NSD1: variants seen among roughly 807,000 people sequenced by gnomAD.
NSD1 encodes nuclear receptor binding SET domain protein 1, also known as histone-lysine N-methyltransferase, H3 lysine-36 specific.
In NSD1, 26 loss-of-function variants were observed where a neutral mutation model predicts 242.7. The observed-to-expected ratio is 0.11, with a 90% CI of 0.08 to 0.15. The LOEUF (loss-of-function observed/expected upper bound fraction) is 0.15. Among genes scored for constraint, NSD1 ranks in the 10% least tolerant of loss-of-function variants. The probability of loss-of-function intolerance (pLI) is 1.00; values close to 1 mark genes in which losing one functional copy is unlikely to be tolerated. For missense variants in NSD1, 2,495 were observed against 3,272.8 expected, an observed-to-expected ratio of 0.76 and a Z score of 5.80; for synonymous variants, 1,106 against 1,178.1, an observed-to-expected ratio of 0.94 and a Z score of 1.25.
At position 177,133,966 on chromosome 5, in the gene NSD1, T is replaced by G. The variant is rs1446925533; in HGVS notation, c.-18+14T>G. On this transcript the variant is annotated intron_variant, in intron 1 of 22. Coordinates refer to ENST00000439151, the MANE Select transcript of NSD1 (RefSeq NM_022455.5). This position sits in a 1 kb window ranked among gnomAD's most constrained non-coding sequence, Gnocchi z 6.2. ...GCGCGGGGCACGGTAACTAGTGCGC[T>G]GGGGTGGGCGGCGGGCAGGCGCGAG... 8 of 102,026 alleles carry G rather than the reference T, an allele frequency of 7.8e-5. No homozygotes were observed. The highest frequency in any genetic ancestry group is 4.0e-4 in the Admixed American group (4 of 9,974). The allele number at this position is 102,026 out of a possible 1,614,324, so 6.3% of individuals were successfully genotyped here.
At position 177,297,396 on chromosome 5, in the gene NSD1, C is replaced by T. The variant is rs200020698; in HGVS notation, c.*1937C>T. ...AAAAGATATTTTTAAAGAAATTCAC[C>T]GAGAACATTAAAGTTCATTATATTA... On this transcript the variant is annotated 3_prime_UTR_variant, in exon 23 of 23. Transcript: ENST00000439151. 7.5e-5 allele frequency: 17 copies of T among 227,644 alleles called. No individual in the cohort carries two copies. The East Asian group carries it at 7.5e-4, about 10-fold the overall frequency. 14.1% of individuals were successfully genotyped at this position (227,644 alleles called of 1,614,324 possible). A position where few individuals can be genotyped will look rare whatever the true frequency, so the allele number is the denominator to read the frequency against.
intron 14 of NSD1, chr5:177,266,221 G>A: frequency 2.3e-6 from 2 of 885,098 alleles, no homozygotes; most frequent in East Asian, 2.5e-5. Context: ...TGATGATGAT[G>A]TTCACCTTTT....
chr5:177,158,310 C>A (rs866090146), intron 2 of NSD1, among the ~76,000 whole-genome samples: 1 of 130,416 alleles, frequency 7.7e-6, no homozygotes, highest in Non-Finnish European at 1.7e-5. Flanking sequence ...TCTTTTCTTT[C>A]TTTTCTTTCT....
At chr5:177,277,128 ATT>A (rs201507053) in intron 17 of NSD1, among the ~76,000 whole-genome samples, 3,327 of 137,832 alleles carry the variant, frequency 0.024, 48 homozygotes, top group Non-Finnish European at 0.032. Context: ...TCTTTACTCC[ATT>A]TTTTTTTTTT....
chr5:177,166,180 C>T (rs1408900239), intron 2 of NSD1, among the ~76,000 whole-genome samples: 2 of 151,580 alleles, frequency 1.3e-5, no homozygotes, highest in Non-Finnish European at 2.9e-5. Context: ...CCCAAAGTGC[C>T]GGGATTACAG....
chr5:177,295,083 A>T lies in NSD1; in HGVS notation c.7715A>T (p.Gln2572Leu). 1 of 1,611,734 alleles carries T rather than the reference A, an allele frequency of 6.2e-7. No homozygotes were observed. Among genetic ancestry groups the T allele is most frequent in the Non-Finnish European group, 8.5e-7 (1 of 1,178,652 alleles). The change falls in exon 23 of 23, where the codon CAA (glutamine) becomes CTA (leucine). Residue 2572 changes from glutamine (Q) to leucine (L), a missense_variant. This residue lies in a region of NSD1 where 475 missense variants were observed against 563.7 expected (regional missense o/e 0.84). Transcript: ENST00000439151. This position sits in a 1 kb window ranked among gnomAD's most constrained non-coding sequence, Gnocchi z 4.3. ...GAGCAGACCCCAGGGCCTCTTAGCCAATCCCCGGGCCTGGTGAAGCAGGCG... is the reference window on the plus strand; with the variant it reads ...GAGCAGACCCCAGGGCCTCTTAGCCTATCCCCGGGCCTGGTGAAGCAGGCG... ...GAEQTPGPLS[Q>L]SPGLVKQAKQ...
chr5:177,283,704 A>T, intron 19 of NSD1, 83 bp from the exon 20 acceptor site: 1 of 1,486,836 alleles, frequency 6.7e-7, no homozygotes, highest in South Asian at 1.1e-5. Context: ...TAGAAACTCC[A>T]ACTTATTAGA....
rs760358800 is a variant in NSD1 at position 177,259,979 on chromosome 5, C to T, written c.4967-10C>T. On this transcript the variant is annotated splice_polypyrimidine_tract_variant and intron_variant, in intron 13 of 22. Coordinates refer to ENST00000439151, the MANE Select transcript of NSD1 (RefSeq NM_022455.5). ...TTTTCTTTTGCTTGTCCCTGATTTT[C>T]CTGCTTTAGGTCGGTTGATGCGCTG... 6.2e-7 allele frequency: 1 copy of T among 1,614,024 alleles called. No homozygotes were observed. The highest frequency in any genetic ancestry group is 1.1e-5 in the South Asian group (1 of 91,050).
At chr5:177,275,973 G>A (rs1163716691) in intron 17 of NSD1, among the ~76,000 whole-genome samples, 2 of 152,180 alleles carry the variant, frequency 1.3e-5, no homozygotes, top group Non-Finnish European at 2.9e-5. Flanking sequence ...CCAGGCTAGA[G>A]TGCATTGCTG....
chr5:177,211,486 A>C lies in NSD1; in HGVS notation c.3087A>C (p.Lys1029Asn), dbSNP rs1228800552. ...RNCGRSKPSS[K>N]LRDAFSAQMV... ...GTGGACGATCAAAGCCTTCATCCAAATTGCGAGATGCTTTTTCAGCCCAAA... is the reference window on the plus strand; with the variant it reads ...GTGGACGATCAAAGCCTTCATCCAACTTGCGAGATGCTTTTTCAGCCCAAA... Residue 1029 changes from lysine to asparagine, a missense_variant, in exon 5 of 23, where the codon AAA becomes AAC. Physicochemically the swap from Lys to Asn is moderately conservative, Grantham distance 94. This residue lies in a region of NSD1 where 426 missense variants were observed against 411.4 expected (regional missense o/e 1.04). Transcript: ENST00000439151. 1.2e-6 allele frequency: 2 copies of C among 1,614,106 alleles called. No homozygotes were observed. Among genetic ancestry groups the C allele is most frequent in the South Asian group, 1.1e-5 (1 of 91,082 alleles).
At chr5:177,222,720 G>A (rs1191377143) in intron 5 of NSD1, among the ~76,000 whole-genome samples, 1 of 152,034 alleles carries the variant, frequency 6.6e-6, no homozygotes, top group Non-Finnish European at 1.5e-5. Context: ...GTAATAAGAG[G>A]TCTTTATATA....
chr5:177,220,041 G>T (rs561585465), intron 5 of NSD1, among the ~76,000 whole-genome samples: 1 of 151,934 alleles, frequency 6.6e-6, no homozygotes, highest in Admixed American at 6.6e-5. Flanking sequence ...GCTGCTGTTT[G>T]GTATTGGTGT....
chr5:177,173,122 C>G (rs1562152840), intron 2 of NSD1, among the ~76,000 whole-genome samples: 1 of 151,368 alleles, frequency 6.6e-6, no homozygotes, highest in Non-Finnish European at 1.5e-5. Context: ...TAAAACCTGT[C>G]TCTACTAAAA....
intron 5 of NSD1, among the ~76,000 whole-genome samples, chr5:177,219,478 C>G (rs1396706778): frequency 1.3e-5 from 2 of 152,186 alleles, no homozygotes; most frequent in Non-Finnish European, 1.5e-5. Context: ...AGCCACCGCG[C>G]CCGGCCCTGT....
Position 177,269,811 on chromosome 5 carries a change from A to C in NSD1, c.5509+4A>C. 6.2e-7 allele frequency: 1 copy of C among 1,607,242 alleles called. No individual in the cohort carries two copies. Among genetic ancestry groups the C allele is most frequent in the Non-Finnish European group, 8.5e-7 (1 of 1,175,648 alleles). ...GTGGATGGGACATATAAAAAAGGTAACTTTATCCTTTTTGTTTCTCAGGCA... is the reference window on the plus strand; with the variant it reads ...GTGGATGGGACATATAAAAAAGGTACCTTTATCCTTTTTGTTTCTCAGGCA... On this transcript the variant is annotated splice_donor_region_variant and intron_variant, in intron 16 of 22. Coordinates refer to ENST00000439151, the MANE Select transcript of NSD1 (RefSeq NM_022455.5). The surrounding 1 kb of genome is among the most constrained non-coding windows in gnomAD (Gnocchi z 5.1).
chr5:177,265,987 G>A (rs992888605), intron 14 of NSD1: 3 of 1,062,158 alleles, frequency 2.8e-6, no homozygotes, highest in Non-Finnish European at 4.4e-6. Context: ...CATCCACTAG[G>A]GTTTCCTTGA....
rs781498491 is a variant in NSD1, at chr5:177,210,874, C to G, written c.2475C>G (p.Ala825=). ...CTGATACCAAAGGCTCTCCTTTGGC[C>G]AGCATTTCTAAAAGTGGGAAAGTGG... ...CSSDTKGSPL[A]SISKSGKVDG... The change falls in exon 5 of 23, where the codon GCC becomes GCG. Residue 825 remains alanine, a synonymous_variant. Coordinates refer to ENST00000439151, the MANE Select transcript of NSD1 (RefSeq NM_022455.5). 1.2e-6 allele frequency: 2 copies of G among 1,614,122 alleles called. No individual in the cohort carries two copies. Among genetic ancestry groups the G allele is most frequent in the Non-Finnish European group, 1.7e-6 (2 of 1,180,024 alleles).
At chr5:177,241,261 C>T (rs1765839336) in intron 8 of NSD1, among the ~76,000 whole-genome samples, 2 of 151,928 alleles carry the variant, frequency 1.3e-5, no homozygotes, top group Non-Finnish European at 1.5e-5. Flanking sequence ...CTTTGGGAGG[C>T]CCAGGTGGGC....
At chr5:177,271,997 G>A (rs536529019) in intron 16 of NSD1, among the ~76,000 whole-genome samples, 77 of 152,106 alleles carry the variant, frequency 5.1e-4, no homozygotes, top group African/African-American at 1.8e-3. Flanking sequence ...GGTGATGTGC[G>A]CCTGTAATCC....
Sources: gnomAD v4.1 joint callset for allele counts (sites outside exome capture counted in the v4.1 genomes callset) on GRCh38, gnomAD v4.1.1 for gene constraint, gnomAD v4.1.1 regional missense constraint, Gnocchi (gnomAD v3.1) non-coding constraint, MANE v1.5 for transcripts, NCBI Gene and HGNC (gene_info 2026-07-23, HGNC 2026-07-21) for gene names.